The following SUSD2 variants were observed in gnomAD, a reference collection of about 807,000 sequenced individuals.
SUSD2 encodes sushi domain containing 2.
SUSD2 carries 86 observed loss-of-function variants against 93.8 expected under a neutral mutation model. The observed-to-expected ratio is 0.92, with a 90% CI of 0.77 to 1.10. The LOEUF is 1.10. Ranked by LOEUF, SUSD2 falls within the 50% of genes least tolerant of loss-of-function variation. The pLI, the probability that SUSD2 is intolerant of heterozygous loss-of-function variation, is 0.00. For synonymous variants in SUSD2, 483 were observed against 485.0 expected (o/e 1.00, Z 0.05); for missense variants, 1,060 against 1,137.0 (o/e 0.93, Z 0.97).
Position 24,185,315 on chromosome 22 carries a change from C to T in SUSD2, c.984+20C>T, listed in dbSNP as rs2047354612. 6.3e-7 allele frequency: 1 copy of T among 1,599,842 alleles called. No homozygotes were observed. The highest frequency in any genetic ancestry group is 1.3e-5 in the African/African-American group (1 of 74,790). On this transcript the variant is annotated intron_variant, in intron 6 of 14. Coordinates refer to ENST00000358321, the MANE Select transcript of SUSD2 (RefSeq NM_019601.4). ...TTCTTCGTGAGCCTCCCATCAGGGC[C>T]CAGGAGAGGGGATGAGGGGTTAGCC... is the stretch of plus-strand genomic sequence containing the variant.
chr22:24,187,735 G>A lies in SUSD2; in HGVS notation c.2056G>A (p.Asp686Asn), dbSNP rs775049884. 1.2e-5 allele frequency: 19 copies of A among 1,614,018 alleles called. No homozygotes were observed. The highest frequency in any genetic ancestry group is 1.3e-5 in the Non-Finnish European group (15 of 1,180,036). The change falls in exon 12 of 15, where the codon GAT becomes AAT. Residue 686 changes from aspartate to asparagine, a missense_variant. Around this residue, in one of 2 missense-constraint regions of SUSD2, gnomAD observed 973 missense variants for 1,005.3 expected, o/e 0.97. Transcript: ENST00000358321. ...AGAGGCAGCCAAACTATGTGGGGACGATCATTTCTGCAACTTTGATGTGGC... is the reference window on the plus strand; with the variant it reads ...AGAGGCAGCCAAACTATGTGGGGACAATCATTTCTGCAACTTTGATGTGGC... Reference protein sequence around the residue: ...AQEAAKLCGDDHFCNFDVAAT... With the variant: ...AQEAAKLCGDNHFCNFDVAAT...
intron 11 of SUSD2, 41 bp downstream of exon 11, chr22:24,187,491 T>C (rs1230569503): frequency 1.2e-6 from 2 of 1,605,898 alleles, no homozygotes; most frequent in African/African-American, 2.7e-5. Flanking sequence ...GGGGTGGGGG[T>C]TACTGGAAAC....
At position 24,183,268 on chromosome 22, in the gene SUSD2, G is replaced by A. The variant is rs768030025; in HGVS notation, c.287+1G>A. 9 of 1,611,032 alleles carry A rather than the reference G, an allele frequency of 5.6e-6. No individual in the cohort carries two copies. The African/African-American group carries it at 6.7e-5, about 12-fold the overall frequency. On this transcript the variant is annotated splice_donor_variant, in intron 2 of 14. Coordinates refer to ENST00000358321, the MANE Select transcript of SUSD2 (RefSeq NM_019601.4). LOFTEE classifies it high-confidence loss of function. Reference sequence around the variant, plus strand: ...CCACAGACGCCAGTGTGATCTGCAGGTTGGGAGGCCCAGGAGGCCGGGCAC... The same window carrying A: ...CCACAGACGCCAGTGTGATCTGCAGATTGGGAGGCCCAGGAGGCCGGGCAC...
intron 11 of SUSD2, 33 bp downstream of exon 11, chr22:24,187,483 G>T: frequency 1.9e-6 from 3 of 1,607,842 alleles, no homozygotes; most frequent in Non-Finnish European, 2.6e-6. Flanking sequence ...GGGCAGACGG[G>T]GTGGGGGTTA....
At position 24,187,279 on chromosome 22, in the gene SUSD2, C is replaced by T. The variant is rs1473130263; in HGVS notation, c.1720C>T (p.Gln574Ter). 1.2e-6 allele frequency: 2 copies of T among 1,614,072 alleles called. No homozygotes were observed. Among genetic ancestry groups the T allele is most frequent in the South Asian group, 2.2e-5 (2 of 91,080 alleles). ...ASGAGLEVSV[Q>*]GPFLSVSVLL... ...AGGGGCCGGCCTGGAGGTCAGCGTG[C>T]AGGGCCCGTTCCTGAGTGTGTCCGT... Residue 574 changes from glutamine (Q) to a stop codon, truncating the protein, a stop_gained, in exon 11 of 15, where the codon CAG becomes TAG. Coordinates refer to ENST00000358321, the MANE Select transcript of SUSD2 (RefSeq NM_019601.4). LOFTEE classifies it high-confidence loss of function.
chr22:24,187,509 G>T, intron 11 of SUSD2, 59 bp downstream of exon 11: 1 of 1,604,806 alleles, frequency 6.2e-7, no homozygotes, highest in Non-Finnish European at 8.5e-7. Context: ...AACATGGCAC[G>T]GGCAGGGCTT....
chr22:24,187,426 G>A lies in SUSD2; in HGVS notation c.1867G>A (p.Glu623Lys), dbSNP rs1249146158. Residue 623 changes from glutamate (E) to lysine (K), a missense_variant, in exon 11 of 15, where the codon GAG becomes AAG. Glu to Lys is a moderately conservative substitution (Grantham distance 56). Coordinates refer to ENST00000358321, the MANE Select transcript of SUSD2 (RefSeq NM_019601.4). Reference sequence around the variant, plus strand: ...CCTGCCCCCAGGCACCAGTCCCCAGGAGCTGTTCCTGTTTGGGGCCAACTG... The same window carrying A: ...CCTGCCCCCAGGCACCAGTCCCCAGAAGCTGTTCCTGTTTGGGGCCAACTG... ...RVLPPGTSPQ[E>K]LFLFGANWTV... is the part of the protein sequence containing the mutation. 1 of 1,613,284 alleles carries A rather than the reference G, an allele frequency of 6.2e-7. No homozygotes were observed.
At position 24,184,345 on chromosome 22, in the gene SUSD2, C is replaced by T. The variant is rs774780898; in HGVS notation, c.607+42C>T. Reference sequence around the variant, plus strand: ...GCTGGGGTGGCATCAGAGCTTTGGGCCCCCAGAGGGGGAGAAAGGGGGTCC... The same window carrying T: ...GCTGGGGTGGCATCAGAGCTTTGGGTCCCCAGAGGGGGAGAAAGGGGGTCC... On this transcript the variant is annotated intron_variant, in intron 4 of 14. Coordinates refer to ENST00000358321, the MANE Select transcript of SUSD2 (RefSeq NM_019601.4). 10 of 1,597,522 alleles carry T rather than the reference C, an allele frequency of 6.3e-6. No homozygotes were observed. The Admixed American group carries it at 8.5e-5, about 14-fold the overall frequency.
chr22:24,185,829 C>T lies in SUSD2; in HGVS notation c.1239C>T (p.Val413=), dbSNP rs759658416. ...GCATGTCCCACTGGCTCTACGATGT[C>T]CTCAGCTTCTATTACTGCTGCCTCT... The part of the protein sequence containing the change: ...VPSMSHWLYD[V]LSFYYCCLWA... The change falls in exon 8 of 15, where the codon GTC becomes GTT. Residue 413 remains valine, a synonymous_variant. Coordinates refer to ENST00000358321, the MANE Select transcript of SUSD2 (RefSeq NM_019601.4). The T allele has an allele frequency of 3.7e-6, 6 of 1,609,154 alleles. No homozygotes were observed. The highest frequency in any genetic ancestry group is 5.1e-6 in the Non-Finnish European group (6 of 1,178,034).
chr22:24,188,368 C>T lies in SUSD2; in HGVS notation c.2444+41C>T, dbSNP rs563442679. The T allele has an allele frequency of 1.5e-5, 24 of 1,610,848 alleles. No individual in the cohort carries two copies. Among genetic ancestry groups the T allele is most frequent in the African/African-American group, 8.0e-5 (6 of 74,942 alleles). On this transcript the variant is annotated intron_variant, in intron 14 of 14. Coordinates refer to ENST00000358321, the MANE Select transcript of SUSD2 (RefSeq NM_019601.4). The surrounding 1 kb of genome is among the most constrained non-coding windows in gnomAD (Gnocchi z 4.7). The stretch of plus-strand genomic sequence containing the variant: ...CCCTCTCCCAAGACCCCGAGACAGC[C>T]GGTGGGACCACCGAGGCTACTTCTA...
chr22:24,183,579 C>A lies in SUSD2; in HGVS notation c.372C>A (p.Gly124=). The A allele has an allele frequency of 6.2e-7, 1 of 1,613,438 alleles. No homozygotes were observed. Among genetic ancestry groups the A allele is most frequent in the Non-Finnish European group, 8.5e-7 (1 of 1,179,990 alleles). ...HCVSPLLYES[G]RIPFTVSLDN... ...TGTCACCTCTGCTCTATGAGAGCGG[C>A]CGCATCCCCTTCACTGTGTCACTGG... The change falls in exon 3 of 15, where the codon GGC becomes GGA. Residue 124 remains glycine (G), a synonymous_variant. Coordinates refer to ENST00000358321, the MANE Select transcript of SUSD2 (RefSeq NM_019601.4).
chr22:24,184,680 C>T, intron 4 of SUSD2, 86 bp from the exon 5 acceptor site: 2 of 1,168,092 alleles, frequency 1.7e-6, no homozygotes. Context: ...GGTCCATCCA[C>T]CCATCTGTCA....
chr22:24,186,532 G>A (rs1028275294), intron 10 of SUSD2, 117 bp downstream of exon 10: 1 of 1,326,150 alleles, frequency 7.5e-7, no homozygotes, highest in Non-Finnish European at 1.0e-6. Flanking sequence ...CTAGAGGCCT[G>A]GGTGGTCCGA....
Position 24,188,110 on chromosome 22 carries a change from C to G in SUSD2, c.2316C>G (p.Ser772=). Residue 772 remains serine (S), a synonymous_variant, in exon 13 of 15, where the codon TCC becomes TCG. Coordinates refer to ENST00000358321, the MANE Select transcript of SUSD2 (RefSeq NM_019601.4). The surrounding 1 kb of genome is among the most constrained non-coding windows in gnomAD (Gnocchi z 4.7). The part of the protein sequence containing the change: ...TSTCQADGTW[S]SPTPKCQPGR... ...CCTGCCAGGCTGACGGCACCTGGTCCTCACCCACCCCGAAGTGCCAGCCAG... is the reference window on the plus strand; with the variant it reads ...CCTGCCAGGCTGACGGCACCTGGTCGTCACCCACCCCGAAGTGCCAGCCAG... 1 of 1,612,876 alleles carries G rather than the reference C, an allele frequency of 6.2e-7. No homozygotes were observed. Among genetic ancestry groups the G allele is most frequent in the Non-Finnish European group, 8.5e-7 (1 of 1,179,824 alleles).
In SUSD2 at chr22:24,187,317, G is replaced by C; in HGVS notation, c.1758G>C (p.Glu586Asp). 6.2e-7 allele frequency: 1 copy of C among 1,614,098 alleles called. No homozygotes were observed. ...TGAGTGTGTCCGTCCTGCTGCCTGA[G>C]AAGTTCCTCACCCACACCCACGGCC... is the stretch of plus-strand genomic sequence containing the variant. ...PFLSVSVLLP[E>D]KFLTHTHGLL... The change falls in exon 11 of 15, where the codon GAG becomes GAC. Residue 586 changes from glutamate to aspartate, a missense_variant. Physicochemically the swap from Glu to Asp is conservative, Grantham distance 45. Coordinates refer to ENST00000358321, the MANE Select transcript of SUSD2 (RefSeq NM_019601.4).
intron 1 of SUSD2, chr22:24,182,483 G>C (rs1311388883): frequency 6.4e-6 from 1 of 155,690 alleles, no homozygotes; most frequent in Non-Finnish European, 1.4e-5. Flanking sequence ...AGCTCTCTTT[G>C]GGGTCTCAAT....
intron 6 of SUSD2, 70 bp downstream of exon 6, chr22:24,185,365 G>A (rs1331456266): frequency 6.4e-7 from 1 of 1,552,178 alleles, no homozygotes; most frequent in Non-Finnish European, 8.7e-7. Context: ...AGCACCAGGG[G>A]AGGCAGACAG....
In SUSD2 at chr22:24,185,564, C is replaced by T; in HGVS notation, c.1063C>T (p.Gln355Ter). 1 of 1,590,696 alleles carries T rather than the reference C, an allele frequency of 6.3e-7. No individual in the cohort carries two copies. The highest frequency in any genetic ancestry group is 1.7e-4 in the Middle Eastern group (1 of 6,014). ...PGAVHCVRSV[Q>*]ASLRYGSGQQ... The stretch of plus-strand genomic sequence containing the variant: ...GGCCGTGCACTGTGTGCGTTCTGTG[C>T]AGGCCAGGTGAGCCCCCAGGCTGGG... Residue 355 changes from glutamine to a stop codon, truncating the protein, a stop_gained, in exon 7 of 15, where the codon CAG becomes TAG. Transcript: ENST00000358321. LOFTEE classifies it high-confidence loss of function.
Position 24,183,136 on chromosome 22 carries a change from C to G in SUSD2, c.156C>G (p.Gly52=), listed in dbSNP as rs550124064. Residue 52 remains glycine (G), a synonymous_variant, in exon 2 of 15, where the codon GGC becomes GGG. Transcript: ENST00000358321. ...CSCHPTCSGL[G]TCCLDFRDFC... is the part of the protein sequence containing the mutation. ...GCCACCCGACGTGCTCTGGCCTTGGCACCTGCTGCTTGGATTTCCGGGACT... is the reference window on the plus strand; with the variant it reads ...GCCACCCGACGTGCTCTGGCCTTGGGACCTGCTGCTTGGATTTCCGGGACT... The G allele has an allele frequency of 6.2e-7, 1 of 1,614,054 alleles. No individual in the cohort carries two copies. The highest frequency in any genetic ancestry group is 1.3e-5 in the African/African-American group (1 of 75,070).
Sources: allele counts gnomAD v4.1 joint callset, GRCh38; gene constraint gnomAD v4.1.1; regional missense constraint gnomAD v4.1.1; non-coding constraint Gnocchi (gnomAD v3.1); transcripts MANE v1.5; gene names NCBI Gene and HGNC (gene_info 2026-07-23, HGNC 2026-07-21).